Variants in TMEM132D observed in about 807,000 individuals in gnomAD.
TMEM132D encodes transmembrane protein 132D.
Under a neutral mutation model 62.3 loss-of-function variants are expected in TMEM132D, and 21 were observed. That is an observed-to-expected ratio of 0.34 (90% CI 0.24 to 0.49). TMEM132D has a LOEUF of 0.49. Ranked by LOEUF, TMEM132D falls within the 20% of genes least tolerant of loss-of-function variation. The probability of loss-of-function intolerance (pLI) is 0.99; values close to 1 mark genes in which losing one functional copy is unlikely to be tolerated. For synonymous variants in TMEM132D, 621 were observed against 575.6 expected, an observed-to-expected ratio of 1.08 and a Z score of -1.13; for missense variants, 1,346 against 1,402.8, an observed-to-expected ratio of 0.96 and a Z score of 0.65.
intron 3 of TMEM132D, among the ~76,000 whole-genome samples, chr12:129,396,222 A>C (rs931402593): frequency 6.6e-6 from 1 of 152,106 alleles, no homozygotes; most frequent in African/African-American, 2.4e-5. Context: ...CACATTAAAC[A>C]TACTGGCAGA....
At chr12:129,491,479 C>T (rs1874794240) in intron 3 of TMEM132D, among the ~76,000 whole-genome samples, 2 of 152,132 alleles carry the variant, frequency 1.3e-5, no homozygotes, top group Non-Finnish European at 2.9e-5. Context: ...AAGCCTTGCT[C>T]CCACATTTAG....
chr12:129,439,964 C>T (rs866279120), intron 3 of TMEM132D, among the ~76,000 whole-genome samples: 40 of 152,128 alleles, frequency 2.6e-4, no homozygotes, highest in African/African-American at 8.9e-4. Context: ...CTCTGTTTTC[C>T]GTGTTCCCCA....
intron 4 of TMEM132D, among the ~76,000 whole-genome samples, chr12:129,225,037 C>T (rs527360643): frequency 4.6e-5 from 7 of 152,180 alleles, no homozygotes; most frequent in Admixed American, 3.9e-4. Flanking sequence ...AGCTTTGGGG[C>T]CAGACAGCCT....
intron 1 of TMEM132D, among the ~76,000 whole-genome samples, chr12:129,800,343 A>T (rs1871724579): frequency 6.6e-6 from 1 of 151,668 alleles, no homozygotes; most frequent in African/African-American, 2.4e-5. Flanking sequence ...TGTCAAAAGG[A>T]TGAAGAAAAT....
At chr12:129,695,358 GA>G (rs1455558853) in intron 2 of TMEM132D, among the ~76,000 whole-genome samples, 5 of 152,216 alleles carry the variant, frequency 3.3e-5, no homozygotes, top group Admixed American at 3.3e-4. Context: ...AATAAAAGAG[GA>G]AACTAGCGGG....
intron 3 of TMEM132D, among the ~76,000 whole-genome samples, chr12:129,412,607 A>C (rs1218161862): frequency 6.6e-6 from 1 of 152,190 alleles, no homozygotes; most frequent in Non-Finnish European, 1.5e-5. Context: ...CTGTAATCTC[A>C]GCACTTCAGG....
intron 5 of TMEM132D, among the ~76,000 whole-genome samples, chr12:129,086,629 A>G (rs1470645846): frequency 6.7e-6 from 1 of 149,418 alleles, no homozygotes; most frequent in Non-Finnish European, 1.5e-5. Flanking sequence ...TATATATTGT[A>G]TATTTATTGT....
chr12:129,244,351 A>G (rs1346382747), intron 4 of TMEM132D, among the ~76,000 whole-genome samples: 1 of 143,358 alleles, frequency 7.0e-6, no homozygotes, highest in East Asian at 2.2e-4. Flanking sequence ...GCGCCACTGC[A>G]CTCCAGCCTG....
intron 1 of TMEM132D, among the ~76,000 whole-genome samples, chr12:129,797,671 A>G (rs1871607987): frequency 6.6e-6 from 1 of 152,218 alleles, no homozygotes; most frequent in Non-Finnish European, 1.5e-5. Context: ...TTGTTCCCCA[A>G]CCCAGGTGGA....
chr12:129,135,129 A>T (rs1422299736), intron 5 of TMEM132D, among the ~76,000 whole-genome samples: 2 of 152,178 alleles, frequency 1.3e-5, no homozygotes, highest in Non-Finnish European at 2.9e-5. Context: ...AGAGACAGAG[A>T]GTATGTCAAG....
rs1395675323 is a variant in TMEM132D at position 129,827,274 on chromosome 12, CT to C, written c.79+75986del. Among the ~76,000 whole-genome samples, 1 of 152,136 alleles carries C rather than the reference CT, an allele frequency of 6.6e-6. No individual in the cohort carries two copies. The highest frequency in any genetic ancestry group is 1.5e-5 in the Non-Finnish European group (1 of 68,034). ...CATTTTGCAGATGAAGACACTGAGGCTTGAAGAAACTAAGTAATTTGCCCAA... is the reference window on the plus strand; with the variant it reads ...CATTTTGCAGATGAAGACACTGAGGCTGAAGAAACTAAGTAATTTGCCCAA... On this transcript the variant is annotated intron_variant, in intron 1 of 8. Transcript: ENST00000422113. The surrounding 1 kb of genome is among the most constrained non-coding windows in gnomAD (Gnocchi z 9.7).
intron 2 of TMEM132D, among the ~76,000 whole-genome samples, chr12:129,654,255 T>TC (rs1565938000): frequency 1.4e-5 from 2 of 147,476 alleles, no homozygotes; most frequent in East Asian, 2.0e-4. Context: ...GTCTCTCTCT[T>TC]TCTCTCTCTC....
At chr12:129,751,709 T>C (rs1403755324) in intron 1 of TMEM132D, among the ~76,000 whole-genome samples, 1 of 152,232 alleles carries the variant, frequency 6.6e-6, no homozygotes, top group Non-Finnish European at 1.5e-5. Flanking sequence ...TTTGGTGCAT[T>C]AAACATGGAT....
intron 3 of TMEM132D, among the ~76,000 whole-genome samples, chr12:129,489,816 TAC>T (rs1290078609): frequency 2.0e-5 from 3 of 152,226 alleles, no homozygotes; most frequent in African/African-American, 7.2e-5. Flanking sequence ...AATATTTTGG[TAC>T]AGATTCTTCT....
chr12:129,614,157 A>C (rs1292854152), intron 2 of TMEM132D, among the ~76,000 whole-genome samples: 1 of 147,542 alleles, frequency 6.8e-6, no homozygotes, highest in South Asian at 2.2e-4. Context: ...CCAGGTGACT[A>C]TCTCCAGAAC....
chr12:129,140,424 C>T (rs547373633), intron 5 of TMEM132D, among the ~76,000 whole-genome samples: 109 of 152,260 alleles, frequency 7.2e-4, no homozygotes, highest in African/African-American at 2.5e-3. Context: ...CTCCCCAATC[C>T]CTGACCACAG....
At chr12:129,548,203 C>G (rs1181760410) in intron 2 of TMEM132D, among the ~76,000 whole-genome samples, 1 of 152,120 alleles carries the variant, frequency 6.6e-6, no homozygotes, top group Admixed American at 6.5e-5. Flanking sequence ...CGCCTATATC[C>G]CTCTCCCAGA....
intron 5 of TMEM132D, among the ~76,000 whole-genome samples, chr12:129,165,894 C>T (rs1044992186): frequency 6.6e-6 from 1 of 152,144 alleles, no homozygotes; most frequent in African/African-American, 2.4e-5. Context: ...ATGATGCTCT[C>T]GATAAGAATA....
At chr12:129,241,431 C>T (rs1260392311) in intron 4 of TMEM132D, among the ~76,000 whole-genome samples, 1 of 152,162 alleles carries the variant, frequency 6.6e-6, no homozygotes, top group Non-Finnish European at 1.5e-5. Context: ...TCTTTGCTCT[C>T]TTCTTTGGCC....
Sources: gnomAD v4.1 joint callset for allele counts (sites outside exome capture counted in the v4.1 genomes callset) on GRCh38, gnomAD v4.1.1 for gene constraint, Gnocchi (gnomAD v3.1) non-coding constraint, MANE v1.5 for transcripts, NCBI Gene and HGNC (gene_info 2026-07-23, HGNC 2026-07-21) for gene names.